Variants in GPC6 observed in about 807,000 individuals in gnomAD.
GPC6 encodes the protein glypican 6, also known as glypican-6.
Under a neutral mutation model 55.2 loss-of-function variants are expected in GPC6, and 14 were observed. That is an observed-to-expected ratio of 0.25 (90% CI 0.17 to 0.40). The LOEUF is 0.40. GPC6 is among the 10% of genes least tolerant of loss of function. The probability of loss-of-function intolerance (pLI) is 1.00; values close to 1 mark genes in which losing one functional copy is unlikely to be tolerated. For missense variants in GPC6, 641 were observed against 708.5 expected (o/e 0.90, Z 1.08); for synonymous variants, 278 against 259.6 (o/e 1.07, Z -0.68).
Position 93,262,385 on chromosome 13 carries a change from G to A in GPC6, c.160+34769G>A, listed in dbSNP as rs139329155. Among the ~76,000 whole-genome samples the A allele has an allele frequency of 3.9e-5, 6 of 152,216 alleles. No homozygotes were observed. In the East Asian group the frequency reaches 5.8e-4, roughly 15 times the overall value. On this transcript the variant is annotated intron_variant, in intron 1 of 8. Coordinates refer to ENST00000377047, the MANE Select transcript of GPC6 (RefSeq NM_005708.5). Reference sequence around the variant, plus strand: ...CCAAGTTACACTTAAGTTTTCTTGCGAAATTAAATGTGATGAAGGCCTACA... The same window carrying A: ...CCAAGTTACACTTAAGTTTTCTTGCAAAATTAAATGTGATGAAGGCCTACA...
intron 3 of GPC6, among the ~76,000 whole-genome samples, chr13:93,837,563 G>A (rs1010474199): frequency 2.0e-5 from 3 of 152,074 alleles, no homozygotes; most frequent in African/African-American, 4.8e-5. Flanking sequence ...AAGTACTGTC[G>A]GTTAACTTCC....
intron 1 of GPC6, among the ~76,000 whole-genome samples, chr13:93,459,960 G>A (rs1409617796): frequency 1.3e-5 from 2 of 152,136 alleles, no homozygotes; most frequent in Non-Finnish European, 2.9e-5. Flanking sequence ...AATGACACCT[G>A]TTCACATGTT....
intron 2 of GPC6, among the ~76,000 whole-genome samples, chr13:93,561,404 GATATAT>G (rs66957373): frequency 6.7e-5 from 7 of 104,648 alleles, no homozygotes; most frequent in South Asian, 2.5e-4. Context: ...TATCCCTATC[GATATAT>G]ATATATATAT....
chr13:93,337,634 C>T (rs1880094820), intron 1 of GPC6, among the ~76,000 whole-genome samples: 1 of 152,108 alleles, frequency 6.6e-6, no homozygotes, highest in Non-Finnish European at 1.5e-5. Context: ...TTAACTAAAA[C>T]TAATGCATCA....
At chr13:93,596,237 A>T (rs1877721391) in intron 2 of GPC6, among the ~76,000 whole-genome samples, 2 of 152,176 alleles carry the variant, frequency 1.3e-5, no homozygotes, top group Admixed American at 1.3e-4. Flanking sequence ...CCACAGAAAA[A>T]GTGCCAAAGT....
chr13:93,764,104 C>A (rs1431468081), intron 2 of GPC6, among the ~76,000 whole-genome samples: 1 of 152,128 alleles, frequency 6.6e-6, no homozygotes, highest in Non-Finnish European at 1.5e-5. Flanking sequence ...CTTAGAGATA[C>A]TCCTCTTAAT....
In GPC6 at chr13:94,286,339, A is replaced by G. The variant is rs373335462; in HGVS notation, c.878-10A>G. On this transcript the variant is annotated splice_polypyrimidine_tract_variant and intron_variant, in intron 4 of 8. Coordinates refer to ENST00000377047, the MANE Select transcript of GPC6 (RefSeq NM_005708.5). ...GTTTGCAAATAAATCATGTTCCTGT[A>G]TTTTAACAGATGCAATGCTCTTGGT... 1.2e-6 allele frequency: 2 copies of G among 1,613,558 alleles called. No individual in the cohort carries two copies. The highest frequency in any genetic ancestry group is 2.7e-5 in the African/African-American group (2 of 74,902).
intron 1 of GPC6, among the ~76,000 whole-genome samples, chr13:93,380,124 A>C (rs1043477453): frequency 6.6e-6 from 1 of 152,114 alleles, no homozygotes; most frequent in Admixed American, 6.5e-5. Flanking sequence ...CTGATTGTCT[A>C]TGCTTATCAA....
intron 3 of GPC6, among the ~76,000 whole-genome samples, chr13:93,999,398 A>T (rs1236166973): frequency 6.6e-6 from 1 of 152,194 alleles, no homozygotes. Context: ...CATGGTGCAT[A>T]TGTGCCACAT....
chr13:93,301,776 T>A (rs1878689262), intron 1 of GPC6, among the ~76,000 whole-genome samples: 1 of 152,058 alleles, frequency 6.6e-6, no homozygotes, highest in Non-Finnish European at 1.5e-5. Flanking sequence ...GAGAGAAACA[T>A]CCCAAGACAT....
intron 2 of GPC6, among the ~76,000 whole-genome samples, chr13:93,585,702 A>G (rs1877164271): frequency 6.6e-6 from 1 of 152,148 alleles, no homozygotes; most frequent in Admixed American, 6.5e-5. Context: ...GCACTTCTAA[A>G]TTATTTTTTT....
chr13:94,205,225 T>C (rs141316969), intron 4 of GPC6, among the ~76,000 whole-genome samples: 110 of 152,296 alleles, frequency 7.2e-4, no homozygotes, highest in African/African-American at 2.6e-3. Flanking sequence ...TCACTGCTAA[T>C]CAGATTCCAA....
At chr13:93,319,167 A>G (rs1055976896) in intron 1 of GPC6, among the ~76,000 whole-genome samples, 3 of 152,292 alleles carry the variant, frequency 2.0e-5, no homozygotes, top group African/African-American at 7.2e-5. Context: ...AGATGGTGAC[A>G]TTTGAAGAGT....
At chr13:93,339,346 T>G (rs1880155502) in intron 1 of GPC6, among the ~76,000 whole-genome samples, 1 of 151,486 alleles carries the variant, frequency 6.6e-6, no homozygotes, top group African/African-American at 2.4e-5. Flanking sequence ...CTCTGTATTT[T>G]CTGTGTGTAG....
chr13:93,849,404 A>G (rs935687279), intron 3 of GPC6, among the ~76,000 whole-genome samples: 1 of 152,090 alleles, frequency 6.6e-6, no homozygotes, highest in Non-Finnish European at 1.5e-5. Context: ...ACAGAGTGGT[A>G]GCTTCTTTTT....
intron 1 of GPC6, among the ~76,000 whole-genome samples, chr13:93,228,082 G>A (rs1230029910): frequency 6.6e-6 from 1 of 152,134 alleles, no homozygotes; most frequent in African/African-American, 2.4e-5. Context: ...CGGCAGGGGC[G>A]GTGGAGAGAC....
chr13:93,594,531 GA>G (rs1411538943), intron 2 of GPC6, among the ~76,000 whole-genome samples: 5 of 151,966 alleles, frequency 3.3e-5, no homozygotes, highest in South Asian at 4.2e-4. Context: ...TTAATCATCT[GA>G]AACCCACCTA....
intron 3 of GPC6, among the ~76,000 whole-genome samples, chr13:93,929,928 A>C (rs1291915785): frequency 6.6e-6 from 1 of 152,076 alleles, no homozygotes; most frequent in Admixed American, 6.5e-5. Context: ...TTAAACAAAA[A>C]AGGTATAGTT....
intron 1 of GPC6, among the ~76,000 whole-genome samples, chr13:93,541,891 T>C (rs1882321448): frequency 6.6e-6 from 1 of 151,918 alleles, no homozygotes; most frequent in South Asian, 2.1e-4. Flanking sequence ...TCTTGTAAAT[T>C]TGTTTGAGTT....
Sources: gnomAD v4.1 joint callset for allele counts (sites outside exome capture counted in the v4.1 genomes callset) on GRCh38, gnomAD v4.1.1 for gene constraint, MANE v1.5 for transcripts, NCBI Gene and HGNC (gene_info 2026-07-23, HGNC 2026-07-21) for gene names.